Variants in BNIP2 observed in about 807,000 individuals in gnomAD.
The protein encoded by BNIP2 is BCL2 interacting protein 2, also known as BCL2/adenovirus E1B 19 kDa protein-interacting protein 2.
In BNIP2, 36 loss-of-function variants were observed where a neutral mutation model predicts 43.4. The ratio of observed to expected loss-of-function variants is 0.83; its 90% confidence interval spans 0.64 to 1.10. The LOEUF is 1.10. BNIP2 is among the 50% of genes least tolerant of loss of function. BNIP2 has a pLI of 0.00. For missense variants in BNIP2, 417 were observed against 374.1 expected, an observed-to-expected ratio of 1.11 and a Z score of -0.95; for synonymous variants, 146 against 121.0, an observed-to-expected ratio of 1.21 and a Z score of -1.35.
intron 1 of BNIP2, among the ~76,000 whole-genome samples, chr15:59,687,363 T>G (rs1406848664): frequency 1.3e-5 from 2 of 151,336 alleles, no homozygotes; most frequent in African/African-American, 4.9e-5. Flanking sequence ...TTTTTTTTTT[T>G]TTTTTTGAGA....
intron 3 of BNIP2, 112 bp downstream of exon 3, chr15:59,680,129 C>T: frequency 1.1e-6 from 1 of 878,348 alleles, no homozygotes; most frequent in South Asian, 2.3e-5. Context: ...TATACTTTGA[C>T]TTCTATGATG....
intron 7 of BNIP2, among the ~76,000 whole-genome samples, chr15:59,669,647 C>T (rs6151559): frequency 0.011 from 1,730 of 152,282 alleles, 34 homozygotes; most frequent in African/African-American, 0.04. Flanking sequence ...ACTCTGTAAA[C>T]AGGGAAAGAG....
intron 1 of BNIP2, among the ~76,000 whole-genome samples, chr15:59,686,774 TG>T (rs1404774687): frequency 6.6e-6 from 1 of 152,160 alleles, no homozygotes; most frequent in Admixed American, 6.5e-5. Flanking sequence ...CCCAACACTT[TG>T]GGAGGCTGAG....
At chr15:59,682,773 G>T (rs553640582) in intron 1 of BNIP2, among the ~76,000 whole-genome samples, 3 of 152,026 alleles carry the variant, frequency 2.0e-5, no homozygotes, top group South Asian at 2.1e-4. Context: ...TGCATGTATA[G>T]TATCTCAGGT....
intron 9 of BNIP2, among the ~76,000 whole-genome samples, chr15:59,665,154 C>T (rs1224757057): frequency 6.6e-6 from 1 of 151,900 alleles, no homozygotes; most frequent in Non-Finnish European, 1.5e-5. Context: ...GTCCCAGCTA[C>T]TTGGGAGGCT....
rs1893367267 is a variant in BNIP2, at chr15:59,677,304, A to C, written c.472+607T>G. 4 of 1,578,424 alleles carry C rather than the reference A, an allele frequency of 2.5e-6. No individual in the cohort carries two copies. In the South Asian group the frequency reaches 3.4e-5, roughly 13 times the overall value. On this transcript the variant is annotated intron_variant, in intron 5 of 9. Transcript: ENST00000607373. The stretch of plus-strand genomic sequence containing the variant: ...GGGGATCCTGGCACACCAGAAAGCC[A>C]CATCAACAAGCCCATGAGCCCCAGC...
rs768974700 is a variant in BNIP2 at position 59,676,239 on chromosome 15, C to T, written c.472+1672G>A. Among the ~76,000 whole-genome samples the T allele has an allele frequency of 9.2e-5, 14 of 152,168 alleles. No individual in the cohort carries two copies. The South Asian group carries it at 1.2e-3, about 14-fold the overall frequency. ...AAACTAGAGTGCAGTGGGATGATCA[C>T]GGCCACTGAAGCCTCATCTTCCCAA... On this transcript the variant is annotated intron_variant, in intron 5 of 9. Coordinates refer to ENST00000607373, the MANE Select transcript of BNIP2 (RefSeq NM_004330.4).
intron 2 of BNIP2, among the ~76,000 whole-genome samples, chr15:59,681,411 G>C (rs897887553): frequency 1.3e-5 from 2 of 149,372 alleles, no homozygotes; most frequent in African/African-American, 2.5e-5. Flanking sequence ...AATTTACTTA[G>C]TAAGGTTTTT....
intron 9 of BNIP2, chr15:59,668,049 T>G: frequency 8.6e-7 from 1 of 1,160,006 alleles, no homozygotes; most frequent in Non-Finnish European, 1.1e-6. Context: ...GAAGAGTTAG[T>G]CTGCAATGCA....
chr15:59,676,693 G>C (rs568663101), intron 5 of BNIP2: 33 of 681,036 alleles, frequency 4.8e-5, no homozygotes, highest in African/African-American at 4.5e-4. Context: ...GCATGAAACG[G>C]CTAGGGCAGG....
At chr15:59,669,105 T>G in intron 8 of BNIP2, 115 bp from the exon 9 acceptor site, 1 of 1,141,652 alleles carries the variant, frequency 8.8e-7, no homozygotes, top group African/African-American at 1.6e-5. Context: ...AAAAAGATGA[T>G]AAATGTCTGA....
chr15:59,689,170 C>T lies in BNIP2; in HGVS notation c.-93G>A, dbSNP rs1894220477. On this transcript the variant is annotated 5_prime_UTR_variant, in exon 1 of 10. Transcript: ENST00000607373. ...GCCTTGGCCCCCTCGTCCTCTTCGC[C>T]CCTCCAGGCCGGCGACGTGGGGCTG... 1.3e-6 allele frequency: 2 copies of T among 1,538,502 alleles called. No individual in the cohort carries two copies. Among genetic ancestry groups the T allele is most frequent in the African/African-American group, 2.7e-5 (2 of 73,088 alleles).
At chr15:59,686,452 T>C (rs184829436) in intron 1 of BNIP2, among the ~76,000 whole-genome samples, 1 of 152,312 alleles carries the variant, frequency 6.6e-6, no homozygotes, top group Admixed American at 6.5e-5. Context: ...GATTTTACTA[T>C]ATGCAGTTTA....
At position 59,677,559 on chromosome 15, in the gene BNIP2, G is replaced by T. The variant is rs907079267; in HGVS notation, c.472+352C>A. ...TTTACCAAAGGAGGGGAGACCTTAA[G>T]AATTTTGACACAGTATGTCAAAAGT... is the stretch of plus-strand genomic sequence containing the variant. On this transcript the variant is annotated intron_variant, in intron 5 of 9. Coordinates refer to ENST00000607373, the MANE Select transcript of BNIP2 (RefSeq NM_004330.4). 3.9e-5 allele frequency among the ~76,000 whole-genome samples: 6 copies of T among 152,172 alleles called. 1 individual carries two copies. The highest frequency in any genetic ancestry group is 2.6e-4 in the Admixed American group (4 of 15,288).
chr15:59,677,564 T>A (rs1177800416), intron 5 of BNIP2, among the ~76,000 whole-genome samples: 1 of 152,212 alleles, frequency 6.6e-6, no homozygotes, highest in Non-Finnish European at 1.5e-5. Context: ...CTTAAGAATT[T>A]TGACACAGTA....
At chr15:59,688,668 A>C in intron 1 of BNIP2, 1 of 1,516,626 alleles carries the variant, frequency 6.6e-7, no homozygotes, top group Non-Finnish European at 8.8e-7. Flanking sequence ...ACTAGGGAAG[A>C]TCTATTAAAG....
intron 9 of BNIP2, among the ~76,000 whole-genome samples, chr15:59,666,282 G>A (rs1325630022): frequency 2.6e-5 from 4 of 152,118 alleles, no homozygotes; most frequent in African/African-American, 9.7e-5. Context: ...CTGCCATAGG[G>A]ACTCATAGCT....
rs553229292 is a variant in BNIP2 at position 59,688,914 on chromosome 15, C to T, written c.-58+221G>A. ...GCGACGGGGTGGGGGGCCAAACTGC[C>T]AAATACAAACAGGACCCAAGCCAAG... On this transcript the variant is annotated intron_variant, in intron 1 of 9. Transcript: ENST00000607373. The T allele has an allele frequency of 1.4e-5, 20 of 1,462,454 alleles. No individual in the cohort carries two copies. The East Asian group carries it at 1.5e-4, about 11-fold the overall frequency. 90.6% of individuals were successfully genotyped at this position (1,462,454 alleles called of 1,614,324 possible). A position where few individuals can be genotyped will look rare whatever the true frequency, so the allele number is the denominator to read the frequency against.
Position 59,662,183 on chromosome 15 carries a change from CCT to C in BNIP2, c.*1884_*1885del, listed in dbSNP as rs1482265954. 3 of 152,098 alleles carry C rather than the reference CCT, an allele frequency of 2.0e-5. No homozygotes were observed. Among genetic ancestry groups the C allele is most frequent in the African/African-American group, 7.2e-5 (3 of 41,394 alleles). The allele number at this position is 152,098 out of a possible 1,614,324, so 9.4% of individuals were successfully genotyped here. ...GTGGTAGAAAACCACCTATTAAAAACCTCAGCCCATTTTGAGCAAGATAAAGA... is the reference window on the plus strand; with the variant it reads ...GTGGTAGAAAACCACCTATTAAAAACCAGCCCATTTTGAGCAAGATAAAGA... On this transcript the variant is annotated 3_prime_UTR_variant, in exon 10 of 10. Coordinates refer to ENST00000607373, the MANE Select transcript of BNIP2 (RefSeq NM_004330.4).
Sources: allele counts gnomAD v4.1 joint callset (sites outside exome capture counted in the v4.1 genomes callset), GRCh38; gene constraint gnomAD v4.1.1; transcripts MANE v1.5; gene names NCBI Gene and HGNC (gene_info 2026-07-23, HGNC 2026-07-21).